MMP16: variants seen among roughly 807,000 people sequenced by gnomAD.
The protein encoded by MMP16 is matrix metallopeptidase 16.
MMP16 carries 12 observed loss-of-function variants against 67.8 expected under a neutral mutation model. The observed-to-expected ratio is 0.18, with a 90% CI of 0.11 to 0.29. MMP16 has a LOEUF of 0.29. Ranked by LOEUF, MMP16 falls within the 10% of genes least tolerant of loss-of-function variation. The pLI is 1.00. For synonymous variants in MMP16, 249 were observed against 255.9 expected, an observed-to-expected ratio of 0.97 and a Z score of 0.26; for missense variants, 475 against 765.7, an observed-to-expected ratio of 0.62 and a Z score of 4.48.
Position 88,038,455 on chromosome 8 carries a change from G to GA in MMP16, c.*3005dup, listed in dbSNP as rs1438407625. 2.6e-5 allele frequency: 4 copies of GA among 152,324 alleles called. No individual in the cohort carries two copies. Among genetic ancestry groups the GA allele is most frequent in the African/African-American group, 9.7e-5 (4 of 41,370 alleles). 9.4% of individuals were successfully genotyped at this position (152,324 alleles called of 1,614,324 possible). On this transcript the variant is annotated 3_prime_UTR_variant, in exon 10 of 10. Transcript: ENST00000286614. The surrounding 1 kb of genome is among the most constrained non-coding windows in gnomAD (Gnocchi z 4.1). ...TACTGATAGCCTTATGACGAATCAGGATATTGTGATGAATGAGTAAAGAGG... is the reference window on the plus strand; with the variant it reads ...TACTGATAGCCTTATGACGAATCAGGAATATTGTGATGAATGAGTAAAGAGG...
intron 1 of MMP16, among the ~76,000 whole-genome samples, chr8:88,222,518 A>C (rs2129849677): frequency 6.6e-6 from 1 of 152,306 alleles, no homozygotes; most frequent in South Asian, 2.1e-4. Flanking sequence ...ATGGAACAGA[A>C]CAGAGCCCTC....
At chr8:88,316,300 A>G (rs1350918542) in intron 1 of MMP16, among the ~76,000 whole-genome samples, 1 of 152,318 alleles carries the variant, frequency 6.6e-6, no homozygotes, top group East Asian at 1.9e-4. Context: ...TATTGGAAGA[A>G]GAGGCCATCT....
intron 3 of MMP16, among the ~76,000 whole-genome samples, chr8:88,180,400 C>A (rs1184617126): frequency 1.3e-5 from 2 of 151,258 alleles, no homozygotes; most frequent in African/African-American, 4.9e-5. Context: ...AAGAAACCTG[C>A]CTCAAATATG....
At chr8:88,156,678 A>G (rs1478373862) in intron 4 of MMP16, among the ~76,000 whole-genome samples, 6 of 152,134 alleles carry the variant, frequency 3.9e-5, no homozygotes, top group African/African-American at 1.4e-4. Context: ...TAAGGCTATT[A>G]AATCATTAAT....
intron 1 of MMP16, among the ~76,000 whole-genome samples, chr8:88,263,728 C>A (rs1423398302): frequency 6.6e-6 from 1 of 152,064 alleles, no homozygotes; most frequent in Non-Finnish European, 1.5e-5. Context: ...ATTAGGCTCA[C>A]CCTAATCACT....
chr8:88,093,678 G>T (rs1040159795), intron 6 of MMP16, among the ~76,000 whole-genome samples: 12 of 151,694 alleles, frequency 7.9e-5, no homozygotes, highest in Non-Finnish European at 1.5e-4. Context: ...ATAAATGATG[G>T]ATGATATTTT....
intron 1 of MMP16, among the ~76,000 whole-genome samples, chr8:88,319,602 T>C (rs1040711193): frequency 1.3e-5 from 2 of 152,082 alleles, no homozygotes; most frequent in Non-Finnish European, 2.9e-5. Context: ...CTGTGAAAAG[T>C]TCCCACGGAA....
chr8:88,059,996 A>T (rs1042351497), intron 7 of MMP16, among the ~76,000 whole-genome samples: 1 of 152,062 alleles, frequency 6.6e-6, no homozygotes, highest in Admixed American at 6.6e-5. Flanking sequence ...AAAAAAAAAA[A>T]AGTGATACAA....
intron 7 of MMP16, chr8:88,069,441 G>A (rs768506607): frequency 3.8e-6 from 2 of 531,684 alleles, no homozygotes; most frequent in Admixed American, 2.0e-5. Context: ...CACAGGCACT[G>A]ACTGCCTTTG....
chr8:88,206,278 T>C (rs1809425117), intron 1 of MMP16, among the ~76,000 whole-genome samples: 1 of 152,200 alleles, frequency 6.6e-6, no homozygotes, highest in Non-Finnish European at 1.5e-5. Context: ...ACTGAAACTA[T>C]ATATAGAAAA....
In MMP16 at chr8:88,186,600, TGCAAA is replaced by T; in HGVS notation, c.282-7_282-3del. The T allele has an allele frequency of 8.5e-7, 1 of 1,178,802 alleles. No homozygotes were observed. Among genetic ancestry groups the T allele is most frequent in the Non-Finnish European group, 1.1e-6 (1 of 913,080 alleles). The allele number at this position is 1,178,802 out of a possible 1,614,324, so 73.0% of individuals were successfully genotyped here. A position where few individuals can be genotyped will look rare whatever the true frequency, so the allele number is the denominator to read the frequency against. The stretch of plus-strand genomic sequence containing the variant: ...CCGCATCGGGGCTTCTTCATCCAGC[TGCAAA>T]AAAAAAAAAAAAAAAAAAAAAGCAG... On this transcript the variant is annotated splice_region_variant and splice_polypyrimidine_tract_variant and intron_variant, in intron 2 of 9. Transcript: ENST00000286614.
chr8:88,279,428 G>C (rs1378330370), intron 1 of MMP16, among the ~76,000 whole-genome samples: 1 of 152,020 alleles, frequency 6.6e-6, no homozygotes, highest in African/African-American at 2.4e-5. Context: ...CTTTTGGTCA[G>C]AACTAGTCTA....
chr8:88,074,527 A>T (rs1176950915), intron 7 of MMP16, 78 bp downstream of exon 7: 2 of 1,318,590 alleles, frequency 1.5e-6, no homozygotes, highest in Non-Finnish European at 2.1e-6. Flanking sequence ...ATCTCATTTC[A>T]TCACTTTTGT....
intron 1 of MMP16, among the ~76,000 whole-genome samples, chr8:88,221,402 C>T (rs533473886): frequency 6.6e-6 from 1 of 152,162 alleles, no homozygotes; most frequent in African/African-American, 2.4e-5. Context: ...GCGTCTCCGT[C>T]TTCCGTATGC....
chr8:88,303,346 A>G (rs1297021553), intron 1 of MMP16, among the ~76,000 whole-genome samples: 1 of 152,134 alleles, frequency 6.6e-6, no homozygotes, highest in African/African-American at 2.4e-5. Context: ...AGGGATGGCC[A>G]CCATCTCTGT....
At chr8:88,274,406 G>T (rs1308345193) in intron 1 of MMP16, among the ~76,000 whole-genome samples, 2 of 151,886 alleles carry the variant, frequency 1.3e-5, no homozygotes, top group Non-Finnish European at 1.5e-5. Flanking sequence ...TTCCAATATT[G>T]TATTTTTCTC....
At position 88,116,607 on chromosome 8, in the gene MMP16, G is replaced by A. The variant is rs1415053023; in HGVS notation, c.983C>T (p.Pro328Leu). ...GGGATAGGAGGGTCTGCCGGTTGGA[G>A]GCCGAGGAGGTTTTGGCCTGTCATT... ...RKNDRPKPPR[P>L]PTGRPSYPGA... Residue 328 changes from proline to leucine, a missense_variant, in exon 6 of 10, where the codon CCT becomes CTT. Pro to Leu is a moderately conservative substitution (Grantham distance 98). Transcript: ENST00000286614. 1 of 1,613,888 alleles carries A rather than the reference G, an allele frequency of 6.2e-7. No individual in the cohort carries two copies.
intron 6 of MMP16, among the ~76,000 whole-genome samples, chr8:88,106,428 T>C (rs73694244): frequency 0.19 from 29,425 of 151,190 alleles, 2,947 homozygotes; most frequent in African/African-American, 0.22. Flanking sequence ...GACATTTACA[T>C]TGTTTCCAGT....
chr8:88,313,042 A>G (rs1811321126), intron 1 of MMP16, among the ~76,000 whole-genome samples: 1 of 152,196 alleles, frequency 6.6e-6, no homozygotes, highest in African/African-American at 2.4e-5. Flanking sequence ...ATCACACAGT[A>G]TGTGCTCTTT....
Sources: allele counts gnomAD v4.1 joint callset (sites outside exome capture counted in the v4.1 genomes callset), GRCh38; gene constraint gnomAD v4.1.1; non-coding constraint Gnocchi (gnomAD v3.1); transcripts MANE v1.5; gene names NCBI Gene and HGNC (gene_info 2026-07-23, HGNC 2026-07-21).